Variants in KANSL1 observed in about 807,000 individuals in gnomAD.
KANSL1 encodes MLL1/MLL complex subunit KANSL1.
KANSL1 carries 22 observed loss-of-function variants against 103.6 expected under a neutral mutation model. The ratio of observed to expected loss-of-function variants is 0.21; its 90% CI spans 0.15 to 0.30. The LOEUF is 0.30. Among genes scored for constraint, KANSL1 ranks in the 10% least tolerant of loss-of-function variants. KANSL1 has a pLI of 1.00. For synonymous variants in KANSL1, 600 were observed against 527.6 expected, an observed-to-expected ratio of 1.14 and a Z score of -1.88; for missense variants, 1,337 against 1,399.8, an observed-to-expected ratio of 0.96 and a Z score of 0.72.
At chr17:46,117,761 G>C (rs2043107087) in intron 2 of KANSL1, among the ~76,000 whole-genome samples, 1 of 152,080 alleles carries the variant, frequency 6.6e-6, no homozygotes, top group Non-Finnish European at 1.5e-5. Context: ...AAAACAATTT[G>C]CATTTTAATT....
chr17:46,182,242 A>G (rs2046828187), intron 1 of KANSL1, among the ~76,000 whole-genome samples: 1 of 152,236 alleles, frequency 6.6e-6, no homozygotes, highest in Admixed American at 6.5e-5. Context: ...GGAAACACGA[A>G]TCAAAAAATT....
chr17:46,212,302 C>T (rs1342634147), intron 1 of KANSL1, among the ~76,000 whole-genome samples: 2 of 152,018 alleles, frequency 1.3e-5, no homozygotes, highest in Non-Finnish European at 2.9e-5. Flanking sequence ...CTCACTGCAA[C>T]CTCCAACTCC....
At chr17:46,200,655 T>C (rs1011701565) in intron 1 of KANSL1, among the ~76,000 whole-genome samples, 2 of 152,112 alleles carry the variant, frequency 1.3e-5, no homozygotes, top group Non-Finnish European at 2.9e-5. Context: ...GGCAGCAGAA[T>C]GGCATGAACC....
intron 4 of KANSL1, among the ~76,000 whole-genome samples, chr17:46,076,889 C>T (rs1329324865): frequency 1.3e-5 from 2 of 152,166 alleles, no homozygotes; most frequent in African/African-American, 4.8e-5. Context: ...TGACCCCGTA[C>T]CTGGAGACCT....
chr17:46,123,581 G>C (rs1223852556), intron 2 of KANSL1, among the ~76,000 whole-genome samples: 1 of 152,160 alleles, frequency 6.6e-6, no homozygotes, highest in Non-Finnish European at 1.5e-5. Flanking sequence ...CTTTATTGCT[G>C]ATATGGACAA....
At chr17:46,037,757 CCATTA>C (rs1160061873) in intron 10 of KANSL1, 9 of 152,198 alleles carry the variant, frequency 5.9e-5, no homozygotes, top group Non-Finnish European at 1.2e-4. Context: ...TTTACATTTA[CCATTA>C]CATTACATTG....
intron 1 of KANSL1, among the ~76,000 whole-genome samples, chr17:46,207,110 T>C (rs2047994474): frequency 6.6e-6 from 1 of 151,620 alleles, no homozygotes; most frequent in African/African-American, 2.4e-5. Flanking sequence ...AAATTAATAA[T>C]AATAAAAAAA....
intron 2 of KANSL1, among the ~76,000 whole-genome samples, chr17:46,137,711 C>CA (rs141650511): frequency 0.11 from 16,783 of 148,768 alleles, no homozygotes; most frequent in Non-Finnish European, 0.17. Context: ...AAAAAAAATA[C>CA]AAAAAATTGG....
chr17:46,059,438 G>C (rs1447927515), intron 6 of KANSL1, among the ~76,000 whole-genome samples: 1 of 151,866 alleles, frequency 6.6e-6, no homozygotes, highest in Non-Finnish European at 1.5e-5. Context: ...GGCCAACATG[G>C]TGAAACCCCG....
At chr17:46,107,458 G>GT (rs2042617066) in intron 2 of KANSL1, among the ~76,000 whole-genome samples, 2 of 112,944 alleles carry the variant, frequency 1.8e-5, no homozygotes, top group South Asian at 2.4e-4. Context: ...TCCAACAAAG[G>GT]TGAGTACTCC....
intron 11 of KANSL1, among the ~76,000 whole-genome samples, 195 bp downstream of exon 11, chr17:46,033,966 T>G (rs1343913887): frequency 1.3e-5 from 2 of 152,232 alleles, no homozygotes; most frequent in Non-Finnish European, 2.9e-5. Context: ...TGACTGCTGG[T>G]TCGTTTGGTG....
At chr17:46,067,434 G>C in intron 5 of KANSL1, 115 bp downstream of exon 5, 1 of 719,074 alleles carries the variant, frequency 1.4e-6, no homozygotes, top group Non-Finnish European at 2.5e-6. Flanking sequence ...ATGTTACTAA[G>C]TGATAAGGCT....
intron 2 of KANSL1, among the ~76,000 whole-genome samples, chr17:46,139,777 G>A (rs1426916236): frequency 6.6e-6 from 1 of 152,060 alleles, no homozygotes; most frequent in Non-Finnish European, 1.5e-5. Context: ...CCTGACTTTG[G>A]AAACTAACCC....
intron 7 of KANSL1, among the ~76,000 whole-genome samples, chr17:46,047,113 C>A (rs990277649): frequency 6.6e-6 from 1 of 152,154 alleles, no homozygotes; most frequent in African/African-American, 2.4e-5. Context: ...CTTTCTCTTA[C>A]AAGAAATCAC....
intron 1 of KANSL1, among the ~76,000 whole-genome samples, chr17:46,212,857 A>C (rs1349929295): frequency 1.3e-5 from 2 of 152,256 alleles, no homozygotes; most frequent in African/African-American, 4.8e-5. Context: ...CAGCACAGTC[A>C]ACTGTAAATC....
At chr17:46,214,672 A>C (rs1045641078) in intron 1 of KANSL1, among the ~76,000 whole-genome samples, 35 of 152,334 alleles carry the variant, frequency 2.3e-4, no homozygotes, top group Non-Finnish European at 4.7e-4. Context: ...AAAAGAAACA[A>C]AAACAGCAAG....
At chr17:46,193,909 T>C (rs1292278559), upstream of KANSL1, 1 of 156,420 alleles carries the variant, frequency 6.4e-6, no homozygotes, top group Non-Finnish European at 1.4e-5. Flanking sequence ...CACCACACTA[T>C]TCCAAGGCTA....
chr17:46,198,691 C>A (rs2047697712), upstream of KANSL1, among the ~76,000 whole-genome samples: 1 of 152,242 alleles, frequency 6.6e-6, no homozygotes, highest in African/African-American at 2.4e-5. Context: ...AAGATCGCAC[C>A]ACTGCACTCC....
intron 6 of KANSL1, among the ~76,000 whole-genome samples, chr17:46,053,941 C>T (rs1167037051): frequency 2.0e-5 from 3 of 152,136 alleles, no homozygotes; most frequent in Non-Finnish European, 2.9e-5. Context: ...AGAACACATA[C>T]AATATTGTGT....
Sources: gnomAD v4.1 joint callset for allele counts (sites outside exome capture counted in the v4.1 genomes callset) on GRCh38, gnomAD v4.1.1 for gene constraint, MANE v1.5 for transcripts, NCBI Gene and HGNC (gene_info 2026-07-23, HGNC 2026-07-21) for gene names.